DPY19L4: variants seen among roughly 807,000 people sequenced by gnomAD.
The protein encoded by DPY19L4 is probable C-mannosyltransferase DPY19L4.
In DPY19L4, 97 loss-of-function variants were observed where a neutral mutation model predicts 102.8. The ratio of observed to expected loss-of-function variants is 0.94; its 90% CI spans 0.80 to 1.12. DPY19L4 has a LOEUF of 1.12. Among genes scored for constraint, DPY19L4 ranks in the 50% most tolerant of loss-of-function variants. DPY19L4 has a pLI of 0.00. For synonymous variants in DPY19L4, 252 were observed against 283.1 expected, an observed-to-expected ratio of 0.89 and a Z score of 1.10; for missense variants, 815 against 850.4, an observed-to-expected ratio of 0.96 and a Z score of 0.52.
chr8:94,740,728 T>C (rs1179444041), intron 6 of DPY19L4, among the ~76,000 whole-genome samples: 1 of 152,234 alleles, frequency 6.6e-6, no homozygotes, highest in Non-Finnish European at 1.5e-5. Context: ...GTGTTGGGAT[T>C]ACAGGTGTGA....
intron 8 of DPY19L4, among the ~76,000 whole-genome samples, chr8:94,762,600 A>G (rs146453353): frequency 1.3e-5 from 2 of 152,290 alleles, no homozygotes; most frequent in East Asian, 1.9e-4. Context: ...CCAGAGCCCA[A>G]ATCAAAAATA....
intron 12 of DPY19L4, among the ~76,000 whole-genome samples, chr8:94,768,755 A>T (rs1164736311): frequency 2.0e-5 from 3 of 152,024 alleles, no homozygotes; most frequent in Admixed American, 6.6e-5. Flanking sequence ...GCACTTTGGG[A>T]GGCCGAAGCG....
chr8:94,722,570 C>G lies in DPY19L4; in HGVS notation c.16+2556C>G, dbSNP rs146691795. On this transcript the variant is annotated intron_variant, in intron 1 of 18. Coordinates refer to ENST00000414645, the MANE Select transcript of DPY19L4 (RefSeq NM_181787.3). ...ATTCCATAAATATGTGTATTCATAC[C>G]CTATTAGATGCAAGGATATAATAGT... Among the ~76,000 whole-genome samples, 9 of 151,670 alleles carry G rather than the reference C, an allele frequency of 5.9e-5. No individual in the cohort carries two copies. The East Asian group carries it at 1.7e-3, about 29-fold the overall frequency.
chr8:94,730,776 G>A (rs1437439020), intron 2 of DPY19L4, among the ~76,000 whole-genome samples: 4 of 116,680 alleles, frequency 3.4e-5, no homozygotes, highest in Non-Finnish European at 7.0e-5. Flanking sequence ...ACGGAGTTTC[G>A]CTCTTGTTGC....
At position 94,777,707 on chromosome 8, in the gene DPY19L4, C is replaced by T. The variant is rs1813247880; in HGVS notation, c.1496C>T (p.Ala499Val). 6.2e-7 allele frequency: 1 copy of T among 1,614,024 alleles called. No homozygotes were observed. The highest frequency in any genetic ancestry group is 8.5e-7 in the Non-Finnish European group (1 of 1,179,976). ...ATTCCTTATGTGTGCATGTTAGCAG[C>T]ATTTGGTGTATGTTCTCCCGAACTT... is the stretch of plus-strand genomic sequence containing the variant. ...IWIPYVCMLA[A>V]FGVCSPELWM... Residue 499 changes from alanine to valine, a missense_variant, in exon 14 of 19, where the codon GCA (alanine) becomes GTA (valine). By Grantham distance (64) the Ala-to-Val change is moderately conservative. Coordinates refer to ENST00000414645, the MANE Select transcript of DPY19L4 (RefSeq NM_181787.3).
intron 16 of DPY19L4, among the ~76,000 whole-genome samples, chr8:94,781,423 A>G (rs1166127928): frequency 2.6e-5 from 4 of 152,200 alleles, no homozygotes; most frequent in African/African-American, 9.6e-5. Flanking sequence ...ATGGGATAAA[A>G]AAGAAGAGAT....
intron 2 of DPY19L4, among the ~76,000 whole-genome samples, chr8:94,729,006 C>T (rs957070345): frequency 2.0e-5 from 3 of 151,030 alleles, no homozygotes; most frequent in African/African-American, 7.3e-5. Flanking sequence ...CATAGTGAGA[C>T]CCTGTCTTTA....
intron 6 of DPY19L4, among the ~76,000 whole-genome samples, chr8:94,751,209 C>T (rs1811910989): frequency 6.6e-6 from 1 of 150,990 alleles, no homozygotes; most frequent in East Asian, 2.0e-4. Flanking sequence ...AGCTCCGCCT[C>T]CTGGGTTCAC....
chr8:94,721,213 T>G (rs992380675), intron 1 of DPY19L4, among the ~76,000 whole-genome samples: 3 of 152,226 alleles, frequency 2.0e-5, no homozygotes, highest in African/African-American at 7.2e-5. Flanking sequence ...CCCAGAGTGC[T>G]GGGATTACAG....
intron 13 of DPY19L4, among the ~76,000 whole-genome samples, chr8:94,776,118 T>C (rs7840272): frequency 0.2 from 29,885 of 147,906 alleles, 3,709 homozygotes; most frequent in African/African-American, 0.35. Context: ...CTGCAAGCTC[T>C]GCCTCCCGGG....
intron 8 of DPY19L4, 39 bp downstream of exon 8, chr8:94,761,873 A>G: frequency 6.3e-7 from 1 of 1,579,210 alleles, no homozygotes; most frequent in Admixed American, 1.8e-5. Context: ...TTAAGAGAAT[A>G]AATGTATTTA....
intron 6 of DPY19L4, among the ~76,000 whole-genome samples, chr8:94,740,361 T>C (rs898347264): frequency 6.6e-6 from 1 of 152,182 alleles, no homozygotes; most frequent in Non-Finnish European, 1.5e-5. Flanking sequence ...TCTAGGTGAA[T>C]GTGTGTGTGT....
rs187590329 is a variant in DPY19L4 at position 94,728,918 on chromosome 8, G to A, written c.127+2477G>A. 2.0e-3 allele frequency among the ~76,000 whole-genome samples: 297 copies of A among 152,030 alleles called. 1 individual carries two copies. The highest frequency in any genetic ancestry group is 1.8e-3 in the Non-Finnish European group (122 of 67,960). On this transcript the variant is annotated intron_variant, in intron 2 of 18. Coordinates refer to ENST00000414645, the MANE Select transcript of DPY19L4 (RefSeq NM_181787.3). ...GTTTATTAACCAGGCATGGTGGCTC[G>A]CGCCAGTAATCCCAGCACTTTGGGA...
chr8:94,749,796 C>G (rs1355968631), intron 6 of DPY19L4, among the ~76,000 whole-genome samples: 1 of 152,168 alleles, frequency 6.6e-6, no homozygotes, highest in Non-Finnish European at 1.5e-5. Flanking sequence ...AGAAGAACTT[C>G]TCTATTCCCT....
At chr8:94,783,305 G>A (rs1490619632) in intron 16 of DPY19L4, among the ~76,000 whole-genome samples, 1 of 152,104 alleles carries the variant, frequency 6.6e-6, no homozygotes, top group Non-Finnish European at 1.5e-5. Flanking sequence ...ATGGAGTTGA[G>A]AATTCACAGT....
At chr8:94,781,600 C>G (rs1354867394) in intron 16 of DPY19L4, among the ~76,000 whole-genome samples, 1 of 152,002 alleles carries the variant, frequency 6.6e-6, no homozygotes, top group African/African-American at 2.4e-5. Flanking sequence ...AATTGAGAAC[C>G]CCCCAACACA....
At chr8:94,744,521 C>T (rs1259320322) in intron 6 of DPY19L4, 2 of 456,670 alleles carry the variant, frequency 4.4e-6, no homozygotes, top group Non-Finnish European at 8.8e-6. Context: ...GAGGTGACAA[C>T]ACAGGATATT....
rs566400675 is a variant in DPY19L4, at chr8:94,777,727, G to A, written c.1516G>A (p.Glu506Lys). The change falls in exon 14 of 19, where the codon GAA (glutamate) becomes AAA (lysine). Residue 506 changes from glutamate to lysine, a missense_variant. Transcript: ENST00000414645. ...AGCAGCATTTGGTGTATGTTCTCCC[G>A]AACTTTGGATGACACTTTTCAAGTG... ...MLAAFGVCSP[E>K]LWMTLFKWLR... The A allele has an allele frequency of 5.6e-6, 9 of 1,613,960 alleles. No individual in the cohort carries two copies. Among genetic ancestry groups the A allele is most frequent in the South Asian group, 2.2e-5 (2 of 91,070 alleles).
intron 7 of DPY19L4, among the ~76,000 whole-genome samples, chr8:94,756,483 A>G (rs1332109232): frequency 6.6e-6 from 1 of 152,210 alleles, no homozygotes; most frequent in Non-Finnish European, 1.5e-5. Context: ...GATGGCCTTC[A>G]ATCACCATGA....
Sources: allele counts gnomAD v4.1 joint callset (sites outside exome capture counted in the v4.1 genomes callset), GRCh38; gene constraint gnomAD v4.1.1; transcripts MANE v1.5; gene names NCBI Gene and HGNC (gene_info 2026-07-23, HGNC 2026-07-21).